Variants in SOX5 observed in about 807,000 individuals in gnomAD.
The protein encoded by SOX5 is transcription factor SOX-5.
In SOX5, 9 loss-of-function variants were observed where a neutral mutation model predicts 92.0. That is an observed-to-expected ratio of 0.10 (90% CI 0.06 to 0.17). The LOEUF is 0.17. SOX5 is among the 10% of genes least tolerant of loss of function. The pLI is 1.00. For synonymous variants in SOX5, 344 were observed against 336.3 expected, an observed-to-expected ratio of 1.02 and a Z score of -0.25; for missense variants, 642 against 944.5, an observed-to-expected ratio of 0.68 and a Z score of 4.20.
At chr12:23,728,821 G>T (rs1157089186) in intron 6 of SOX5, among the ~76,000 whole-genome samples, 1 of 152,002 alleles carries the variant, frequency 6.6e-6, no homozygotes, top group Admixed American at 6.6e-5. Context: ...CCAAAACTCG[G>T]GTAACTTGGA....
chr12:24,453,577 T>C (rs1191653643), intron 1 of SOX5, among the ~76,000 whole-genome samples: 1 of 152,224 alleles, frequency 6.6e-6, no homozygotes, highest in Non-Finnish European at 1.5e-5. Flanking sequence ...ATTTGTAATA[T>C]ACCTATTTAG....
At chr12:23,582,403 C>A (rs1950169170) in intron 9 of SOX5, 3 of 392,062 alleles carry the variant, frequency 7.7e-6, no homozygotes, top group Non-Finnish European at 1.0e-5. Context: ...GTCAAAGTAA[C>A]CTAAGATAAA....
At chr12:23,592,197 A>G (rs945011186) in intron 9 of SOX5, among the ~76,000 whole-genome samples, 3 of 152,284 alleles carry the variant, frequency 2.0e-5, no homozygotes, top group Admixed American at 2.0e-4. Flanking sequence ...TTGGTAAAAA[A>G]TTTGAAAGAA....
At chr12:23,546,249 G>A in intron 12 of SOX5, 67 bp downstream of exon 12, 1 of 902,824 alleles carries the variant, frequency 1.1e-6, no homozygotes, top group Non-Finnish European at 1.8e-6. Context: ...TTTTTTAGCA[G>A]TTTTAATTGG....
chr12:24,458,439 T>C (rs946456830), intron 1 of SOX5, among the ~76,000 whole-genome samples: 9 of 152,294 alleles, frequency 5.9e-5, no homozygotes, highest in African/African-American at 1.9e-4. Flanking sequence ...GTCCATTCTC[T>C]ACTCAGTCAT....
intron 3 of SOX5, among the ~76,000 whole-genome samples, chr12:24,273,472 CA>C (rs1029864069): frequency 1.3e-5 from 2 of 152,038 alleles, no homozygotes; most frequent in Non-Finnish European, 2.9e-5. Context: ...ATATTTACCC[CA>C]AAAAAATTTA....
intron 1 of SOX5, among the ~76,000 whole-genome samples, chr12:24,446,947 G>A (rs578258970): frequency 6.6e-6 from 1 of 152,186 alleles, no homozygotes; most frequent in South Asian, 2.1e-4. Flanking sequence ...AACAATTTGG[G>A]CAACAAAATA....
intron 1 of SOX5, among the ~76,000 whole-genome samples, chr12:24,557,165 G>A (rs925824297): frequency 1.3e-5 from 2 of 152,142 alleles, no homozygotes; most frequent in African/African-American, 4.8e-5. Flanking sequence ...CTGAGGTGGA[G>A]GATCACGAGG....
chr12:24,395,455 G>T (rs1415760887), intron 1 of SOX5, among the ~76,000 whole-genome samples: 1 of 152,138 alleles, frequency 6.6e-6, no homozygotes, highest in Non-Finnish European at 1.5e-5. Flanking sequence ...TCTGTTGTGT[G>T]GCTGCAAGTA....
chr12:23,723,694 A>G (rs2092956516), intron 6 of SOX5, among the ~76,000 whole-genome samples: 1 of 151,730 alleles, frequency 6.6e-6, no homozygotes, highest in Non-Finnish European at 1.5e-5. Flanking sequence ...GATATATAGA[A>G]ACCTAGGTAT....
At chr12:23,809,798 A>G (rs1326542463) in intron 3 of SOX5, among the ~76,000 whole-genome samples, 1 of 149,042 alleles carries the variant, frequency 6.7e-6, no homozygotes, top group East Asian at 1.9e-4. Flanking sequence ...TGACATTACT[A>G]CACATTTTTA....
intron 1 of SOX5, among the ~76,000 whole-genome samples, chr12:24,513,359 C>T (rs187492464): frequency 1.3e-5 from 2 of 152,346 alleles, no homozygotes; most frequent in East Asian, 1.9e-4. Context: ...GGGAATCCAA[C>T]GTAGTTCCTT....
Position 24,356,573 on chromosome 12 carries a change from T to C in SOX5, c.-174+11990A>G, listed in dbSNP as rs568597551. 3.9e-5 allele frequency among the ~76,000 whole-genome samples: 6 copies of C among 152,308 alleles called. No individual in the cohort carries two copies. In the East Asian group the frequency reaches 7.7e-4, roughly 20 times the overall value. On this transcript the variant is annotated intron_variant, in intron 2 of 4. Transcript: ENST00000446891. ...TCATCTCTTCTGCCAAACACAGATA[T>C]TGAGGAGATACTTCACTCCTCCTGT...
At chr12:24,407,429 A>T (rs1216125400) in intron 1 of SOX5, 1 of 152,184 alleles carries the variant, frequency 6.6e-6, no homozygotes, top group Non-Finnish European at 1.5e-5. Flanking sequence ...ATTTCAGGTT[A>T]ACTATGGAAG....
chr12:23,654,154 G>A (rs1396668165), intron 7 of SOX5, among the ~76,000 whole-genome samples: 1 of 152,088 alleles, frequency 6.6e-6, no homozygotes, highest in African/African-American at 2.4e-5. Flanking sequence ...AGGAAGAACA[G>A]ATAATGAAAC....
intron 4 of SOX5, among the ~76,000 whole-genome samples, chr12:23,749,046 GCAGCACTCTT>G (rs2094100230): frequency 6.6e-6 from 1 of 151,860 alleles, no homozygotes; most frequent in African/African-American, 2.4e-5. Flanking sequence ...GCTTCTTTCA[GCAGCACTCTT>G]ATCCAACAAA....
At chr12:24,404,738 A>G (rs1962519749) in intron 1 of SOX5, among the ~76,000 whole-genome samples, 1 of 152,132 alleles carries the variant, frequency 6.6e-6, no homozygotes, top group African/African-American at 2.4e-5. Context: ...CTTTGAAGTA[A>G]TTGCGCTCCT....
At chr12:24,132,517 A>T (rs959679104) in intron 4 of SOX5, among the ~76,000 whole-genome samples, 1 of 152,180 alleles carries the variant, frequency 6.6e-6, no homozygotes, top group Non-Finnish European at 1.5e-5. Context: ...TGGGAAAACA[A>T]TGGAAAGAGA....
rs138316259 is a variant in SOX5, at chr12:23,766,737, T to C, written c.482-11013A>G. Among the ~76,000 whole-genome samples, 206 of 152,228 alleles carry C rather than the reference T, an allele frequency of 1.4e-3. 1 individual carries two copies. Among genetic ancestry groups the C allele is most frequent in the African/African-American group, 4.8e-3 (198 of 41,562 alleles). On this transcript the variant is annotated intron_variant, in intron 3 of 14. Coordinates refer to ENST00000451604, the MANE Select transcript of SOX5 (RefSeq NM_006940.6). ...AAAAAATCCAAATATATTCCAATAC[T>C]TTGCTGTTTTACAACTCCATGAAAT...
Sources: gnomAD v4.1 joint callset for allele counts (sites outside exome capture counted in the v4.1 genomes callset) on GRCh38, gnomAD v4.1.1 for gene constraint, MANE v1.5 for transcripts, NCBI Gene and HGNC (gene_info 2026-07-23, HGNC 2026-07-21) for gene names.